CCN4: variants seen among roughly 807,000 people sequenced by gnomAD.
The protein encoded by CCN4 is cellular communication network factor 4, also known as CCN family member 4.
CCN4 carries 30 observed loss-of-function variants against 36.7 expected under a neutral mutation model. That is an observed-to-expected ratio of 0.82 (90% CI 0.61 to 1.11). The LOEUF is 1.11. CCN4 is among the 50% of genes least tolerant of loss of function. The pLI, the probability that CCN4 is intolerant of heterozygous loss-of-function variation, is 0.00. For synonymous variants in CCN4, 191 were observed against 195.4 expected (o/e 0.98, Z 0.19); for missense variants, 505 against 504.9 (o/e 1.00, Z 0.00).
chr8:133,198,202 G>A (rs757262205), intron 1 of CCN4, among the ~76,000 whole-genome samples: 10 of 152,176 alleles, frequency 6.6e-5, no homozygotes, highest in Non-Finnish European at 8.8e-5. Context: ...GGGAGCTCAC[G>A]CTGCTGCTTC....
intron 1 of CCN4, among the ~76,000 whole-genome samples, chr8:133,195,227 G>A (rs1292957893): frequency 2.0e-5 from 3 of 149,208 alleles, no homozygotes. Context: ...TATGTGTGTG[G>A]TGTGTGTCTG....
At chr8:133,194,412 T>G (rs1262799209) in intron 1 of CCN4, among the ~76,000 whole-genome samples, 2 of 71,564 alleles carry the variant, frequency 2.8e-5, no homozygotes, top group Non-Finnish European at 5.1e-5. Context: ...GTGTGTGGAT[T>G]TGTGTGGTGT....
intron 2 of CCN4, among the ~76,000 whole-genome samples, chr8:133,218,017 G>C (rs1564263597): frequency 6.6e-6 from 1 of 151,928 alleles, no homozygotes; most frequent in Non-Finnish European, 1.5e-5. Context: ...ATGCAAAGAT[G>C]AGTGATTCAC....
chr8:133,214,022 TAC>T (rs1291510699), intron 2 of CCN4, among the ~76,000 whole-genome samples: 3 of 42,242 alleles, frequency 7.1e-5, no homozygotes, highest in African/African-American at 9.8e-5. Context: ...ATAGTAGTTA[TAC>T]ATACTATATA....
intron 2 of CCN4, among the ~76,000 whole-genome samples, chr8:133,219,388 C>A (rs777582859): frequency 6.6e-6 from 1 of 152,240 alleles, no homozygotes; most frequent in Middle Eastern, 3.4e-3. Flanking sequence ...AACCCCTGGG[C>A]GGGCTTCCTT....
At chr8:133,201,788 A>G (rs1853594732) in intron 1 of CCN4, among the ~76,000 whole-genome samples, 1 of 152,126 alleles carries the variant, frequency 6.6e-6, no homozygotes, top group South Asian at 2.1e-4. Context: ...TGTTGCAGTG[A>G]GCCGAGATCA....
rs1363489508 is a variant in CCN4, at chr8:133,212,885, A to G, written c.91A>G (p.Thr31Ala). 2 of 1,585,630 alleles carry G rather than the reference A, an allele frequency of 1.3e-6. No individual in the cohort carries two copies. The highest frequency in any genetic ancestry group is 1.7e-6 in the Non-Finnish European group (2 of 1,163,896). ...LATALSPAPT[T>A]MDFTPAPLED... ...GCAGGCCCTCTCTCCAGCCCCTACG[A>G]CCATGGACTTTACCCCAGCTCCACT... The change falls in exon 2 of 5, where the codon ACC (threonine) becomes GCC (alanine). Residue 31 changes from threonine to alanine, a missense_variant. By Grantham distance (58) the Thr-to-Ala change is moderately conservative. Transcript: ENST00000250160.
chr8:133,226,536 T>C (rs746919819), intron 4 of CCN4, among the ~76,000 whole-genome samples: 2 of 152,218 alleles, frequency 1.3e-5, no homozygotes, highest in African/African-American at 2.4e-5. Context: ...GCGCTTGGTA[T>C]ACAGTAAGCA....
In CCN4 at chr8:133,206,494, G is replaced by C. The variant is rs115997898; in HGVS notation, c.70-6370G>C. Among the ~76,000 whole-genome samples the C allele has an allele frequency of 3.1e-4, 47 of 152,250 alleles. No homozygotes were observed. The East Asian group carries it at 4.1e-3, about 13-fold the overall frequency. On this transcript the variant is annotated intron_variant, in intron 1 of 4. Coordinates refer to ENST00000250160, the MANE Select transcript of CCN4 (RefSeq NM_003882.4). Reference sequence around the variant, plus strand: ...GATGCTTCCCCCACTCCTTTTTTTGGGGGGTGGAAAAAGAGAACCATTCAG... The same window carrying C: ...GATGCTTCCCCCACTCCTTTTTTTGCGGGGTGGAAAAAGAGAACCATTCAG...
chr8:133,198,562 C>T (rs113076569), intron 1 of CCN4, among the ~76,000 whole-genome samples: 2 of 152,284 alleles, frequency 1.3e-5, no homozygotes, highest in African/African-American at 4.8e-5. Context: ...TCCTGAGTTC[C>T]GCCTCTGTGC....
chr8:133,227,536 C>T lies in CCN4; in HGVS notation c.930C>T (p.Cys310=), dbSNP rs1225800720. 2.5e-6 allele frequency: 4 copies of T among 1,614,116 alleles called. No individual in the cohort carries two copies. Among genetic ancestry groups the T allele is most frequent in the Admixed American group, 1.7e-5 (1 of 60,006 alleles). Residue 310 remains cysteine (C), a synonymous_variant, in exon 5 of 5, where the codon TGC becomes TGT. Transcript: ENST00000250160. ...GAGTTTGCATGGACAATAGGTGCTGCATCCCCTACAAGTCTAAGACTATCG... is the reference window on the plus strand; with the variant it reads ...GAGTTTGCATGGACAATAGGTGCTGTATCCCCTACAAGTCTAAGACTATCG... ...YCGVCMDNRC[C]IPYKSKTIDV... is the part of the protein sequence containing the mutation.
chr8:133,191,348 G>A, intron 1 of CCN4, 135 bp downstream of exon 1: 1 of 1,060,414 alleles, frequency 9.4e-7, no homozygotes, highest in East Asian at 2.6e-5. Context: ...TACAGGGCAA[G>A]GACAGAGCCC....
intron 1 of CCN4, among the ~76,000 whole-genome samples, chr8:133,198,553 C>A (rs1315855260): frequency 6.6e-6 from 1 of 152,206 alleles, no homozygotes; most frequent in Non-Finnish European, 1.5e-5. Context: ...GTCAAATACT[C>A]CTGAGTTCCG....
chr8:133,219,232 C>G (rs1018524147), intron 2 of CCN4, among the ~76,000 whole-genome samples: 8 of 152,156 alleles, frequency 5.3e-5, no homozygotes, highest in African/African-American at 1.9e-4. Flanking sequence ...TTCCTCTGAG[C>G]CTACAAGGAA....
At chr8:133,209,721 A>G (rs547647465) in intron 1 of CCN4, among the ~76,000 whole-genome samples, 1 of 152,100 alleles carries the variant, frequency 6.6e-6, no homozygotes, top group Non-Finnish European at 1.5e-5. Flanking sequence ...CAGATCCCCA[A>G]CTCTGTTCTG....
intron 1 of CCN4, 142 bp from the exon 2 acceptor site, chr8:133,212,722 T>G (rs2130578789): frequency 1.5e-6 from 1 of 686,504 alleles, no homozygotes; most frequent in Non-Finnish European, 2.5e-6. Flanking sequence ...AGGAGATGTT[T>G]GGCTATCAAA....
At chr8:133,226,567 T>C (rs1854744200) in intron 4 of CCN4, among the ~76,000 whole-genome samples, 1 of 152,214 alleles carries the variant, frequency 6.6e-6, no homozygotes, top group African/African-American at 2.4e-5. Flanking sequence ...ATCTCTTAAC[T>C]GAAAACGTAC....
In CCN4 at chr8:133,220,390, C is replaced by G. The variant is rs574277704; in HGVS notation, c.350-191C>G. Among the ~76,000 whole-genome samples the G allele has an allele frequency of 6.6e-5, 10 of 152,290 alleles. No individual in the cohort carries two copies. In the East Asian group the frequency reaches 1.9e-3, roughly 29 times the overall value. Reference sequence around the variant, plus strand: ...CTCCTGCACTCCCTTTGCTGAAGTTCCACCAAACACTCAGCCCTGCCCTGT... The same window carrying G: ...CTCCTGCACTCCCTTTGCTGAAGTTGCACCAAACACTCAGCCCTGCCCTGT... On this transcript the variant is annotated intron_variant, in intron 2 of 4. Transcript: ENST00000250160.
intron 2 of CCN4, 73 bp from the exon 3 acceptor site, chr8:133,220,508 G>T: frequency 6.4e-7 from 1 of 1,570,700 alleles, no homozygotes; most frequent in Non-Finnish European, 8.7e-7. Flanking sequence ...TCCACATGGA[G>T]CCCCTATAAA....
Sources: allele counts gnomAD v4.1 joint callset (sites outside exome capture counted in the v4.1 genomes callset), GRCh38; gene constraint gnomAD v4.1.1; transcripts MANE v1.5; gene names NCBI Gene and HGNC (gene_info 2026-07-23, HGNC 2026-07-21).